Variants in SLC8A1 observed in about 807,000 individuals in gnomAD.
The protein encoded by SLC8A1 is solute carrier family 8 member A1, also known as sodium/calcium exchanger 1.
In SLC8A1, 18 loss-of-function variants were observed where a neutral mutation model predicts 68.3. The ratio of observed to expected loss-of-function variants is 0.26; its 90% CI spans 0.18 to 0.39. The LOEUF (loss-of-function observed/expected upper bound fraction) is 0.39. Ranked by LOEUF, SLC8A1 falls within the 10% of genes least tolerant of loss-of-function variation. The pLI is 1.00. For synonymous variants in SLC8A1, 475 were observed against 415.5 expected, an observed-to-expected ratio of 1.14 and a Z score of -1.74; for missense variants, 985 against 1,156.7, an observed-to-expected ratio of 0.85 and a Z score of 2.15.
chr2:40,307,325 G>C (rs867147237), intron 2 of SLC8A1, among the ~76,000 whole-genome samples: 1 of 152,144 alleles, frequency 6.6e-6, no homozygotes, highest in Non-Finnish European at 1.5e-5. Flanking sequence ...TGCATGATAT[G>C]AAGTATCTGA....
intron 6 of SLC8A1, among the ~76,000 whole-genome samples, chr2:40,141,641 G>A (rs72791094): frequency 2.9e-3 from 447 of 152,194 alleles, no homozygotes; most frequent in Middle Eastern, 0.017. Context: ...AACTTTACCT[G>A]GAAGCAGAAG....
chr2:40,163,444 A>G (rs899164393), intron 5 of SLC8A1, among the ~76,000 whole-genome samples: 1 of 152,220 alleles, frequency 6.6e-6, no homozygotes, highest in Non-Finnish European at 1.5e-5. Context: ...AATGGCACTC[A>G]GCTCTCTGAT....
chr2:40,306,060 C>T (rs1020760837), intron 2 of SLC8A1, among the ~76,000 whole-genome samples: 1 of 152,154 alleles, frequency 6.6e-6, no homozygotes, highest in Non-Finnish European at 1.5e-5. Flanking sequence ...TTCCAAGGAA[C>T]TGTCTATTCT....
chr2:40,471,781 C>G (rs35306270), intron 1 of SLC8A1, among the ~76,000 whole-genome samples: 5,616 of 152,250 alleles, frequency 0.037, 304 homozygotes, highest in East Asian at 0.27. Context: ...GTAAAAACGT[C>G]AGCTACCTTT....
intron 2 of SLC8A1, among the ~76,000 whole-genome samples, chr2:40,227,893 A>G (rs917926039): frequency 2.0e-5 from 3 of 152,194 alleles, no homozygotes; most frequent in Admixed American, 2.0e-4. Flanking sequence ...AAACTCAGAG[A>G]ATAATGAGCT....
In SLC8A1 at chr2:40,384,402, G is replaced by C. The variant is rs879800864; in HGVS notation, c.1808+44071C>G. On this transcript the variant is annotated intron_variant, in intron 2 of 7. Coordinates refer to ENST00000406785, the Ensembl canonical transcript of SLC8A1. ...TTGAAATTTGATGAAAACACAATGA[G>C]ACAGTCTCAAGCAGAACAGAACCTT... is the stretch of plus-strand genomic sequence containing the variant. 3.3e-5 allele frequency among the ~76,000 whole-genome samples: 5 copies of C among 152,032 alleles called. 1 individual carries two copies. Among genetic ancestry groups the C allele is most frequent in the Admixed American group, 3.3e-4 (5 of 15,240 alleles).
At chr2:40,377,841 A>T (rs1680421312) in intron 2 of SLC8A1, among the ~76,000 whole-genome samples, 1 of 152,142 alleles carries the variant, frequency 6.6e-6, no homozygotes, top group African/African-American at 2.4e-5. Flanking sequence ...GGCTTCCTCA[A>T]GGCCATTCAG....
At chr2:40,165,656 C>A (rs1392144448) in intron 4 of SLC8A1, among the ~76,000 whole-genome samples, 1 of 152,058 alleles carries the variant, frequency 6.6e-6, no homozygotes, top group Admixed American at 6.5e-5. Context: ...ACAGGGAGGG[C>A]GAGGGTGAGG....
chr2:40,436,500 C>T (rs529202065), intron 1 of SLC8A1, among the ~76,000 whole-genome samples: 2 of 152,110 alleles, frequency 1.3e-5, no homozygotes, highest in Non-Finnish European at 2.9e-5. Flanking sequence ...TCCAGCATAA[C>T]GAGAGCACCT....
At chr2:40,174,833 G>T in exon 4 of SLC8A1, 1 of 1,609,414 alleles carries the variant, frequency 6.2e-7, no homozygotes, top group Non-Finnish European at 8.5e-7. Flanking sequence ...ACCTGTTATT[G>T]TGAAGCCACC....
At chr2:40,200,143 T>C (rs181207627) in intron 2 of SLC8A1, among the ~76,000 whole-genome samples, 48 of 113,866 alleles carry the variant, frequency 4.2e-4, no homozygotes, top group African/African-American at 1.6e-3. Flanking sequence ...TCTATGTGTC[T>C]CTGCAGCACA....
intron 2 of SLC8A1, among the ~76,000 whole-genome samples, chr2:40,384,842 G>A (rs1054803246): frequency 6.6e-6 from 1 of 151,698 alleles, no homozygotes; most frequent in African/African-American, 2.4e-5. Flanking sequence ...TGCAATTATT[G>A]TCTTTTCTGT....
At chr2:40,447,441 C>A (rs577014092) in intron 1 of SLC8A1, among the ~76,000 whole-genome samples, 2 of 152,044 alleles carry the variant, frequency 1.3e-5, no homozygotes, top group South Asian at 4.2e-4. Flanking sequence ...GCACTCACAT[C>A]GCCCCAAACT....
At chr2:40,272,313 G>A (rs941376830) in intron 2 of SLC8A1, among the ~76,000 whole-genome samples, 1 of 152,186 alleles carries the variant, frequency 6.6e-6, no homozygotes, top group Non-Finnish European at 1.5e-5. Context: ...AACATGATCA[G>A]TTTGGGAGGG....
In SLC8A1 at chr2:40,272,351, G is replaced by C. The variant is rs186758243; in HGVS notation, c.1809-94496C>G. On this transcript the variant is annotated intron_variant, in intron 2 of 7. Transcript: ENST00000406785. ...CTTTTCCTGATGGCCATTATGTGAA[G>C]GGAGATAAGGAGGGAGAAAGGTTCT... Among the ~76,000 whole-genome samples the C allele has an allele frequency of 1.3e-3, 194 of 152,228 alleles. 1 individual carries two copies. Among genetic ancestry groups the C allele is most frequent in the African/African-American group, 4.6e-3 (190 of 41,540 alleles).
intron 7 of SLC8A1, among the ~76,000 whole-genome samples, chr2:40,128,325 TTCTTC>T (rs1380891345): frequency 3.3e-5 from 5 of 152,236 alleles, no homozygotes; most frequent in African/African-American, 1.2e-4. Flanking sequence ...AGCCCCTATT[TTCTTC>T]TCTTGCATTT....
At chr2:40,259,763 A>T (rs981513932) in intron 2 of SLC8A1, among the ~76,000 whole-genome samples, 4 of 152,194 alleles carry the variant, frequency 2.6e-5, no homozygotes, top group Non-Finnish European at 4.4e-5. Context: ...TTGATTTTTT[A>T]AAACAATAGT....
chr2:40,479,468 A>C (rs1430099962), intron 1 of SLC8A1, among the ~76,000 whole-genome samples: 1 of 152,220 alleles, frequency 6.6e-6, no homozygotes, highest in East Asian at 1.9e-4. Flanking sequence ...TTTTAAGCTC[A>C]TAACAATTTA....
intron 2 of SLC8A1, among the ~76,000 whole-genome samples, chr2:40,310,554 T>A (rs561337544): frequency 5.3e-5 from 8 of 152,266 alleles, no homozygotes; most frequent in Non-Finnish European, 1.2e-4. Context: ...GCAGCTGCCC[T>A]GACTCAGGCC....
Sources: allele counts gnomAD v4.1 joint callset (sites outside exome capture counted in the v4.1 genomes callset), GRCh38; gene constraint gnomAD v4.1.1; transcripts MANE v1.5; gene names NCBI Gene and HGNC (gene_info 2026-07-23, HGNC 2026-07-21).